The following VPS13B variants were observed in gnomAD, a reference collection of about 807,000 sequenced individuals.
VPS13B encodes vacuolar protein sorting 13 homolog B, also known as intermembrane lipid transfer protein VPS13B.
A neutral mutation model predicts 426.4 loss-of-function variants in VPS13B; 285 were observed. The observed-to-expected ratio is 0.67, with a 90% CI of 0.61 to 0.74. The LOEUF (loss-of-function observed/expected upper bound fraction) is 0.74, where lower values mean the gene tolerates loss of function less well. Among genes scored for constraint, VPS13B ranks in the 30% least tolerant of loss-of-function variants. The pLI is 0.00. For synonymous variants in VPS13B, 1,676 were observed against 1,676.4 expected (o/e 1.00, Z 0.01); for missense variants, 4,537 against 4,782.6 (o/e 0.95, Z 1.51).
Position 99,208,002 on chromosome 8 carries a change from A to C in VPS13B, c.2515+14945A>C, listed in dbSNP as rs193251878. ...GACAAGAGTTAATTACATACAGTGAAGAAAGGGACTCTTATTTGTGAGGGC... is the reference window on the plus strand; with the variant it reads ...GACAAGAGTTAATTACATACAGTGACGAAAGGGACTCTTATTTGTGAGGGC... On this transcript the variant is annotated intron_variant, in intron 17 of 61. Transcript: ENST00000357162. 6.9e-3 allele frequency among the ~76,000 whole-genome samples: 1,057 copies of C among 152,312 alleles called. 16 individuals are homozygous for C. The highest frequency in any genetic ancestry group is 0.024 in the African/African-American group (1,005 of 41,560).
intron 19 of VPS13B, among the ~76,000 whole-genome samples, chr8:99,335,367 T>A (rs4338069): frequency 1.3e-5 from 2 of 151,752 alleles, no homozygotes; most frequent in Non-Finnish European, 2.9e-5. Flanking sequence ...TCAGTTCTGC[T>A]CTGATTTTAG....
intron 34 of VPS13B, among the ~76,000 whole-genome samples, chr8:99,650,170 T>C (rs2133945282): frequency 6.6e-6 from 1 of 152,282 alleles, no homozygotes; most frequent in Middle Eastern, 3.4e-3. Flanking sequence ...CCTCTAAAAG[T>C]GATACTTTTA....
chr8:99,019,822 T>G (rs1326660870), intron 2 of VPS13B, among the ~76,000 whole-genome samples: 2 of 152,270 alleles, frequency 1.3e-5, no homozygotes, highest in Non-Finnish European at 2.9e-5. Context: ...CACTATGTCC[T>G]TTGTTTTTAT....
At chr8:99,487,604 TCTC>T (rs1327838076) in intron 25 of VPS13B, among the ~76,000 whole-genome samples, 1 of 152,118 alleles carries the variant, frequency 6.6e-6, no homozygotes, top group Non-Finnish European at 1.5e-5. Flanking sequence ...AACTCTATCT[TCTC>T]CTCTCCCTCC....
chr8:99,587,672 G>T (rs990896246), intron 33 of VPS13B, among the ~76,000 whole-genome samples: 1 of 151,266 alleles, frequency 6.6e-6, no homozygotes, highest in Admixed American at 6.6e-5. Flanking sequence ...GTGGTTGTTT[G>T]ATTTTTTCTT....
intron 34 of VPS13B, among the ~76,000 whole-genome samples, chr8:99,644,704 C>T (rs1829510273): frequency 6.6e-6 from 1 of 152,002 alleles, no homozygotes; most frequent in African/African-American, 2.4e-5. Flanking sequence ...TAGTATGACT[C>T]CTGGTTAGTA....
At chr8:99,313,172 A>G (rs1262873666) in intron 19 of VPS13B, among the ~76,000 whole-genome samples, 2 of 152,262 alleles carry the variant, frequency 1.3e-5, no homozygotes, top group Non-Finnish European at 2.9e-5. Context: ...TCAACTCGTC[A>G]AAGTCGTTCT....
chr8:99,116,516 C>T (rs551882223), intron 7 of VPS13B, among the ~76,000 whole-genome samples: 24 of 152,268 alleles, frequency 1.6e-4, no homozygotes, highest in Non-Finnish European at 2.6e-4. Flanking sequence ...TCACTGCAGC[C>T]GCGACCTCCC....
At chr8:99,583,494 T>C (rs960306272) in intron 33 of VPS13B, among the ~76,000 whole-genome samples, 9 of 152,164 alleles carry the variant, frequency 5.9e-5, no homozygotes, top group Non-Finnish European at 1.3e-4. Flanking sequence ...GCTTATGCCA[T>C]GTGAAGTGAT....
At position 99,356,088 on chromosome 8, in the gene VPS13B, T is replaced by C. The variant is rs184592040; in HGVS notation, c.2825-28120T>C. ...TAATTGCTTATATTATAATTTTTATTGGGGTGAAAATAGAGGCCTAATATT... is the reference window on the plus strand; with the variant it reads ...TAATTGCTTATATTATAATTTTTATCGGGGTGAAAATAGAGGCCTAATATT... On this transcript the variant is annotated intron_variant, in intron 19 of 61. Transcript: ENST00000357162. Among the ~76,000 whole-genome samples the C allele has an allele frequency of 2.5e-3, 388 of 152,244 alleles. 1 individual carries two copies. Among genetic ancestry groups the C allele is most frequent in the Non-Finnish European group, 5.0e-3 (340 of 68,022 alleles).
chr8:99,536,944 G>T, intron 30 of VPS13B: 1 of 402,092 alleles, frequency 2.5e-6, no homozygotes. Flanking sequence ...TCAGTTCGAT[G>T]ATAGAACTTA....
intron 29 of VPS13B, among the ~76,000 whole-genome samples, chr8:99,520,411 G>A (rs1419909611): frequency 6.6e-6 from 1 of 151,450 alleles, no homozygotes; most frequent in East Asian, 1.9e-4. Flanking sequence ...GTGTGTGTGT[G>A]TGTGTGTGTG....
chr8:99,762,973 A>G (rs1304082491), intron 39 of VPS13B, among the ~76,000 whole-genome samples: 2 of 151,898 alleles, frequency 1.3e-5, no homozygotes, highest in South Asian at 2.1e-4. Flanking sequence ...CCGTGTCTCT[A>G]TAAAAAATAC....
intron 39 of VPS13B, among the ~76,000 whole-genome samples, chr8:99,752,821 T>C (rs1307887126): frequency 6.6e-6 from 1 of 152,186 alleles, no homozygotes; most frequent in East Asian, 1.9e-4. Flanking sequence ...CTATCAATGA[T>C]TACACCTTTT....
rs192533027 is a variant in VPS13B, at chr8:99,196,981, T to C, written c.2515+3924T>C. 1.0e-3 allele frequency among the ~76,000 whole-genome samples: 156 copies of C among 152,296 alleles called. 1 individual carries two copies. The highest frequency in any genetic ancestry group is 2.1e-3 in the Non-Finnish European group (142 of 68,006). ...GGCTTGTTCTGCATGTCCTTTATTG[T>C]GTTTAGGTACATTCCTTCTATACCT... is the stretch of plus-strand genomic sequence containing the variant. On this transcript the variant is annotated intron_variant, in intron 17 of 61. Coordinates refer to ENST00000357162, the MANE Select transcript of VPS13B (RefSeq NM_152564.5).
At position 99,016,169 on chromosome 8, in the gene VPS13B, C is replaced by T. The variant is rs141330847; in HGVS notation, c.147+2234C>T. On this transcript the variant is annotated intron_variant, in intron 2 of 61. Coordinates refer to ENST00000357162, the MANE Select transcript of VPS13B (RefSeq NM_152564.5). ...ACACTTGGGTTTTTAATATTTTTGG[C>T]TGGTGAAGAAAGCTTCCATAAACAT... Among the ~76,000 whole-genome samples the T allele has an allele frequency of 5.5e-3, 838 of 152,212 alleles. 9 individuals are homozygous for T. Among genetic ancestry groups the T allele is most frequent in the African/African-American group, 0.019 (807 of 41,522 alleles).
At chr8:99,045,530 T>C (rs1843192065) in intron 3 of VPS13B, among the ~76,000 whole-genome samples, 1 of 152,198 alleles carries the variant, frequency 6.6e-6, no homozygotes, top group African/African-American at 2.4e-5. Flanking sequence ...ACTGTTCCTT[T>C]TGCCGTGCAA....
chr8:99,571,059 G>A (rs1825450009), intron 31 of VPS13B, among the ~76,000 whole-genome samples: 1 of 152,024 alleles, frequency 6.6e-6, no homozygotes, highest in African/African-American at 2.4e-5. Context: ...TGTTTTTCTG[G>A]CCCTTCAGGG....
At chr8:99,856,044 G>A (rs879394381) in intron 56 of VPS13B, among the ~76,000 whole-genome samples, 7 of 152,210 alleles carry the variant, frequency 4.6e-5, no homozygotes, top group Non-Finnish European at 7.3e-5. Context: ...TCTGCACGAC[G>A]CAGCAGTGCA....
Sources: gnomAD v4.1 joint callset for allele counts (sites outside exome capture counted in the v4.1 genomes callset) on GRCh38, gnomAD v4.1.1 for gene constraint, MANE v1.5 for transcripts, NCBI Gene and HGNC (gene_info 2026-07-23, HGNC 2026-07-21) for gene names.